GIPC2: variants seen among roughly 807,000 people sequenced by gnomAD.
The protein encoded by GIPC2 is PDZ domain-containing protein GIPC2.
GIPC2 carries 30 observed loss-of-function variants against 30.6 expected under a neutral mutation model. The ratio of observed to expected loss-of-function variants is 0.98; its 90% CI spans 0.73 to 1.33. GIPC2 has a LOEUF of 1.33. Among genes scored for constraint, GIPC2 ranks in the 40% most tolerant of loss-of-function variants. The probability of loss-of-function intolerance (pLI) is 0.00; values close to 1 mark genes in which losing one functional copy is unlikely to be tolerated. For synonymous variants in GIPC2, 167 were observed against 150.0 expected, an observed-to-expected ratio of 1.11 and a Z score of -0.83; for missense variants, 414 against 390.3, an observed-to-expected ratio of 1.06 and a Z score of -0.51.
intron 1 of GIPC2, among the ~76,000 whole-genome samples, chr1:78,057,491 T>C (rs925299990): frequency 1.3e-5 from 2 of 152,228 alleles, no homozygotes; most frequent in African/African-American, 4.8e-5. Flanking sequence ...TTAGAATTAC[T>C]GGTGGAATTT....
chr1:78,124,044 T>C (rs1010084330), intron 4 of GIPC2, among the ~76,000 whole-genome samples: 1 of 152,196 alleles, frequency 6.6e-6, no homozygotes, highest in Non-Finnish European at 1.5e-5. Context: ...ACAACATATA[T>C]TTATAACAGT....
intron 3 of GIPC2, among the ~76,000 whole-genome samples, chr1:78,114,002 T>A (rs1483812164): frequency 6.6e-6 from 1 of 152,180 alleles, no homozygotes; most frequent in Non-Finnish European, 1.5e-5. Flanking sequence ...AAGCACATAA[T>A]TAGAGTAACA....
chr1:78,049,954 C>T (rs1007879345), intron 1 of GIPC2, among the ~76,000 whole-genome samples: 13 of 136,536 alleles, frequency 9.5e-5, no homozygotes, highest in Middle Eastern at 9.9e-3. Flanking sequence ...TGAAGTGCAA[C>T]GGTGTGATCG....
intron 1 of GIPC2, among the ~76,000 whole-genome samples, chr1:78,079,792 A>AGTT (rs1158220851): frequency 2.0e-5 from 3 of 152,170 alleles, no homozygotes; most frequent in Non-Finnish European, 2.9e-5. Flanking sequence ...ATGGTTGACA[A>AGTT]ACTTGAGTAG....
At chr1:78,076,573 T>G (rs1293178420) in intron 1 of GIPC2, among the ~76,000 whole-genome samples, 1 of 152,154 alleles carries the variant, frequency 6.6e-6, no homozygotes, top group Non-Finnish European at 1.5e-5. Context: ...TATGAGAGTG[T>G]AATGCCGCTG....
intron 2 of GIPC2, among the ~76,000 whole-genome samples, chr1:78,088,699 C>G (rs1661980132): frequency 6.6e-6 from 1 of 152,000 alleles, no homozygotes; most frequent in South Asian, 2.1e-4. Flanking sequence ...AAAAAATTAG[C>G]TGGGTATAGT....
intron 1 of GIPC2, among the ~76,000 whole-genome samples, chr1:78,079,217 T>C (rs1384905281): frequency 6.6e-6 from 1 of 152,206 alleles, no homozygotes; most frequent in African/African-American, 2.4e-5. Context: ...GGGGCCATAG[T>C]TGTTTCCTGT....
intron 3 of GIPC2, among the ~76,000 whole-genome samples, chr1:78,106,307 C>A (rs1450337474): frequency 6.6e-6 from 1 of 150,942 alleles, no homozygotes; most frequent in Non-Finnish European, 1.5e-5. Context: ...CGCCTGTAAT[C>A]CCAGCACTTT....
At chr1:78,078,142 C>T (rs1661751463) in intron 1 of GIPC2, among the ~76,000 whole-genome samples, 1 of 145,942 alleles carries the variant, frequency 6.9e-6, no homozygotes, top group South Asian at 2.3e-4. Flanking sequence ...GAGCCGAGAT[C>T]CCGCCACTGC....
chr1:78,107,929 G>A (rs898961833), intron 3 of GIPC2, among the ~76,000 whole-genome samples: 1 of 147,914 alleles, frequency 6.8e-6, no homozygotes, highest in Non-Finnish European at 1.5e-5. Context: ...ACTATATGAT[G>A]CTCCTCATTA....
In GIPC2 at chr1:78,137,745, C is replaced by T. The variant is rs1557556661; in HGVS notation, c.*2002C>T. 1 of 152,114 alleles carries T rather than the reference C, an allele frequency of 6.6e-6. No individual in the cohort carries two copies. The highest frequency in any genetic ancestry group is 1.5e-5 in the Non-Finnish European group (1 of 68,020). 9.4% of individuals were successfully genotyped at this position (152,114 alleles called of 1,614,324 possible). A position where few individuals can be genotyped will look rare whatever the true frequency, so the allele number is the denominator to read the frequency against. ...GAAATATCCTTATCTTTCACCTCTA[C>T]AGCTAAACTGATAACAAGGTCAGTT... On this transcript the variant is annotated 3_prime_UTR_variant, in exon 6 of 6. Coordinates refer to ENST00000370759, the MANE Select transcript of GIPC2 (RefSeq NM_017655.6).
intron 2 of GIPC2, chr1:78,089,047 A>T (rs1052519464): frequency 6.6e-6 from 1 of 152,160 alleles, no homozygotes. Context: ...ATGCTGTGTG[A>T]TTATAATTTT....
intron 5 of GIPC2, among the ~76,000 whole-genome samples, chr1:78,129,354 A>G (rs1333750466): frequency 6.6e-6 from 1 of 152,232 alleles, no homozygotes; most frequent in African/African-American, 2.4e-5. Context: ...AGACAAATAT[A>G]TTTACTTGTA....
chr1:78,076,098 C>A (rs1661711998), intron 1 of GIPC2, among the ~76,000 whole-genome samples: 1 of 152,146 alleles, frequency 6.6e-6, no homozygotes, highest in Admixed American at 6.5e-5. Flanking sequence ...CCCCAAACCC[C>A]CAATAAGTTC....
At position 78,099,681 on chromosome 1, in the gene GIPC2, G is replaced by A. The variant is rs533842729; in HGVS notation, c.607+4549G>A. On this transcript the variant is annotated intron_variant, in intron 3 of 5. Transcript: ENST00000370759. ...TCTCAATCTCCTGACCTCGTGATCT[G>A]CCCACCTCGGCCTCCCAAAGTGCTA... is the stretch of plus-strand genomic sequence containing the variant. Among the ~76,000 whole-genome samples the A allele has an allele frequency of 2.8e-3, 430 of 152,020 alleles. 10 individuals are homozygous for A. The highest frequency in any genetic ancestry group is 9.7e-3 in the African/African-American group (403 of 41,374).
chr1:78,068,545 TCAAAC>T (rs1367597549), intron 1 of GIPC2, among the ~76,000 whole-genome samples: 1 of 152,194 alleles, frequency 6.6e-6, no homozygotes, highest in Non-Finnish European at 1.5e-5. Flanking sequence ...AATTGATATT[TCAAAC>T]CAACCCAGAT....
In GIPC2 at chr1:78,068,620, G is replaced by A. The variant is rs117447163; in HGVS notation, c.241-12055G>A. 5.3e-5 allele frequency among the ~76,000 whole-genome samples: 8 copies of A among 152,152 alleles called. No homozygotes were observed. In the East Asian group the frequency reaches 1.5e-3, roughly 29 times the overall value. ...ACTCTGGAACAACAGGGATAAACTG[G>A]GACCTAGAGTTATCCCAGTTATAAC... On this transcript the variant is annotated intron_variant, in intron 1 of 5. Coordinates refer to ENST00000370759, the MANE Select transcript of GIPC2 (RefSeq NM_017655.6).
At chr1:78,110,556 T>C (rs952330311) in intron 3 of GIPC2, among the ~76,000 whole-genome samples, 3 of 152,322 alleles carry the variant, frequency 2.0e-5, no homozygotes, top group Non-Finnish European at 2.9e-5. Context: ...ACCTCTCAGG[T>C]AACCCTGTGA....
intron 3 of GIPC2, among the ~76,000 whole-genome samples, chr1:78,109,384 G>T (rs1662420169): frequency 1.3e-5 from 2 of 152,188 alleles, no homozygotes; most frequent in Admixed American, 1.3e-4. Context: ...AACAACCAAT[G>T]AGAGTTATTT....
Sources: allele counts gnomAD v4.1 joint callset (sites outside exome capture counted in the v4.1 genomes callset), GRCh38; gene constraint gnomAD v4.1.1; transcripts MANE v1.5; gene names NCBI Gene and HGNC (gene_info 2026-07-23, HGNC 2026-07-21).